Variants in CLEC1A observed in about 807,000 individuals in gnomAD.
CLEC1A encodes C-type lectin-like receptor-1.
In CLEC1A, 34 loss-of-function variants were observed where a neutral mutation model predicts 28.7. That is an observed-to-expected ratio of 1.18 (90% confidence interval 0.90 to 1.57). CLEC1A has a LOEUF of 1.57. Among genes scored for constraint, CLEC1A ranks in the 40% most tolerant of loss-of-function variants. The probability of loss-of-function intolerance (pLI) is 0.00; values close to 1 mark genes in which losing one functional copy is unlikely to be tolerated. For synonymous variants in CLEC1A, 116 were observed against 121.0 expected (o/e 0.96, Z 0.27); for missense variants, 385 against 339.5 (o/e 1.13, Z -1.05).
intron 4 of CLEC1A, 79 bp downstream of exon 4, chr12:10,075,425 T>A: frequency 6.8e-7 from 1 of 1,463,098 alleles, no homozygotes; most frequent in South Asian, 1.2e-5. Context: ...ATATTCTTGA[T>A]CCTTAGAGTC....
intron 4 of CLEC1A, 116 bp downstream of exon 4, chr12:10,075,388 G>A (rs980658595): frequency 3.1e-5 from 33 of 1,081,164 alleles, no homozygotes; most frequent in Non-Finnish European, 4.2e-5. Flanking sequence ...GGCCCTGATC[G>A]AAACAGGTTC....
chr12:10,091,135 A>G (rs1232790895), intron 1 of CLEC1A, among the ~76,000 whole-genome samples: 1 of 152,118 alleles, frequency 6.6e-6, no homozygotes, highest in African/African-American at 2.4e-5. Flanking sequence ...ACCCTGTACT[A>G]GGTAATCTTT....
At chr12:10,086,700 G>A (rs184784875) in intron 2 of CLEC1A, among the ~76,000 whole-genome samples, 1 of 152,286 alleles carries the variant, frequency 6.6e-6, no homozygotes, top group East Asian at 1.9e-4. Flanking sequence ...ATTCACAGAT[G>A]GATTCACAGC....
intron 5 of CLEC1A, 82 bp from the exon 6 acceptor site, chr12:10,071,595 T>C (rs969091100): frequency 4.3e-6 from 5 of 1,167,744 alleles, no homozygotes; most frequent in African/African-American, 3.2e-5. Flanking sequence ...TCTAGAGTTA[T>C]AAAATTATAG....
chr12:10,076,452 A>G (rs1413251709), intron 3 of CLEC1A, among the ~76,000 whole-genome samples: 2 of 152,184 alleles, frequency 1.3e-5, no homozygotes, highest in African/African-American at 4.8e-5. Flanking sequence ...TGTAAATTTG[A>G]AATATTTCAT....
At chr12:10,085,566 G>A (rs954302724) in intron 2 of CLEC1A, among the ~76,000 whole-genome samples, 7 of 145,046 alleles carry the variant, frequency 4.8e-5, no homozygotes, top group South Asian at 2.1e-4. Context: ...AGACAAAGAC[G>A]GACATTATAG....
chr12:10,071,547 G>C lies in CLEC1A; in HGVS notation c.663-34C>G. 6 of 1,470,478 alleles carry C rather than the reference G, an allele frequency of 4.1e-6. 1 individual carries two copies. Among genetic ancestry groups the C allele is most frequent in the Middle Eastern group, 1.8e-4 (1 of 5,542 alleles). 91.1% of individuals were successfully genotyped at this position (1,470,478 alleles called of 1,614,324 possible). A position where few individuals can be genotyped will look rare whatever the true frequency, so the allele number is the denominator to read the frequency against. ...AGGAAGAAAAAGTAAATTCAATCACGGTTTATTTCTAAAATAAAATATTAA... is the reference window on the plus strand; with the variant it reads ...AGGAAGAAAAAGTAAATTCAATCACCGTTTATTTCTAAAATAAAATATTAA... On this transcript the variant is annotated intron_variant, in intron 5 of 5. Transcript: ENST00000315330.
intron 1 of CLEC1A, among the ~76,000 whole-genome samples, chr12:10,097,540 T>A (rs1947793884): frequency 6.6e-6 from 1 of 152,222 alleles, no homozygotes; most frequent in African/African-American, 2.4e-5. Context: ...CCACTTCTAC[T>A]GTTTCAATAT....
chr12:10,098,611 A>C (rs1317711554), intron 1 of CLEC1A, among the ~76,000 whole-genome samples, 197 bp downstream of exon 1: 1 of 152,190 alleles, frequency 6.6e-6, no homozygotes, highest in African/African-American at 2.4e-5. Context: ...GGCCCAGGAA[A>C]TAAAATCCTT....
At chr12:10,087,208 A>AAC (rs1866513205) in intron 2 of CLEC1A, among the ~76,000 whole-genome samples, 1 of 150,076 alleles carries the variant, frequency 6.7e-6, no homozygotes, top group African/African-American at 2.4e-5. Flanking sequence ...CCATCTCAAA[A>AAC]AAAAAAAAAA....
intron 5 of CLEC1A, 101 bp from the exon 6 acceptor site, chr12:10,071,614 C>A: frequency 1.0e-6 from 1 of 967,828 alleles, no homozygotes; most frequent in South Asian, 2.3e-5. Context: ...AGTCTAGATA[C>A]CAGAATAAGT....
chr12:10,078,152 CT>C (rs1866293619), intron 3 of CLEC1A, among the ~76,000 whole-genome samples: 1 of 152,126 alleles, frequency 6.6e-6, no homozygotes, highest in Non-Finnish European at 1.5e-5. Flanking sequence ...CTCTTCCAGT[CT>C]AATTTTAACA....
intron 2 of CLEC1A, chr12:10,084,165 C>G (rs769968363): frequency 3.3e-5 from 5 of 152,234 alleles, no homozygotes; most frequent in Non-Finnish European, 7.3e-5. Context: ...GAGATCTAGA[C>G]ATCCAAACAC....
Position 10,071,061 on chromosome 12 carries a change from TA to T in CLEC1A, c.*271del, listed in dbSNP as rs1866116166. Reference sequence around the variant, plus strand: ...ATTAGACATTGAGAAGAAAGAGAGCTAAAAGTTATCTCTAAGCCAAGAAGGC... The same window carrying T: ...ATTAGACATTGAGAAGAAAGAGAGCTAAAGTTATCTCTAAGCCAAGAAGGC... On this transcript the variant is annotated 3_prime_UTR_variant, in exon 6 of 6. Transcript: ENST00000315330. 1.1e-5 allele frequency: 3 copies of T among 270,024 alleles called. No homozygotes were observed. The highest frequency in any genetic ancestry group is 2.1e-5 in the Non-Finnish European group (3 of 144,872). The allele number at this position is 270,024 out of a possible 1,614,324, so 16.7% of individuals were successfully genotyped here.
At position 10,071,336 on chromosome 12, in the gene CLEC1A, G is replaced by A. The variant is rs1359021373; in HGVS notation, c.840C>T (p.Asp280=). The A allele has an allele frequency of 1.2e-6, 2 of 1,612,892 alleles. No homozygotes were observed. Among genetic ancestry groups the A allele is most frequent in the South Asian group, 1.1e-5 (1 of 90,862 alleles). Residue 280 remains aspartate (D), a synonymous_variant, in exon 6 of 6, where the codon GAC becomes GAT. Coordinates refer to ENST00000315330, the MANE Select transcript of CLEC1A (RefSeq NM_016511.4). The part of the protein sequence containing the change: ...HVPPETLGEG[D] ...ATTTGTAGTTGCAGAGGGCGAATCAGTCACCTTCGCCTAATGTTTCAGGGG... is the reference window on the plus strand; with the variant it reads ...ATTTGTAGTTGCAGAGGGCGAATCAATCACCTTCGCCTAATGTTTCAGGGG...
At chr12:10,072,244 A>G (rs902770829) in intron 5 of CLEC1A, among the ~76,000 whole-genome samples, 1 of 152,072 alleles carries the variant, frequency 6.6e-6, no homozygotes, top group Non-Finnish European at 1.5e-5. Context: ...GCCTTCTGCC[A>G]TGAGTAAAGC....
chr12:10,095,316 A>C (rs567684221), intron 1 of CLEC1A, among the ~76,000 whole-genome samples: 1 of 151,516 alleles, frequency 6.6e-6, no homozygotes, highest in East Asian at 1.9e-4. Flanking sequence ...TAACCAAAGT[A>C]ATTTTTCATA....
Position 10,072,634 on chromosome 12 carries a change from A to ATCTCTCTCTC in CLEC1A, c.662+649_662+658dup, listed in dbSNP as rs58355839. Among the ~76,000 whole-genome samples, 104 of 148,176 alleles carry ATCTCTCTCTC rather than the reference A, an allele frequency of 7.0e-4. No individual in the cohort carries two copies. The Middle Eastern group carries it at 0.01, about 15-fold the overall frequency. Reference sequence around the variant, plus strand: ...CTTCAATTTACTCACTCAGGGAAAGATCTCTCTCTCTCTCTCTCTCTCTCT... The same window carrying ATCTCTCTCTC: ...CTTCAATTTACTCACTCAGGGAAAGATCTCTCTCTCTCTCTCTCTCTCTCTCTCTCTCTCT... On this transcript the variant is annotated intron_variant, in intron 5 of 5. Transcript: ENST00000315330.
rs1439373162 is a variant in CLEC1A at position 10,071,065 on chromosome 12, A to T, written c.*268T>A. 3.6e-6 allele frequency: 1 copy of T among 278,384 alleles called. No homozygotes were observed. The highest frequency in any genetic ancestry group is 6.7e-6 in the Non-Finnish European group (1 of 150,162). 17.2% of individuals were successfully genotyped at this position (278,384 alleles called of 1,614,324 possible). ...GACATTGAGAAGAAAGAGAGCTAAA[A>T]GTTATCTCTAAGCCAAGAAGGCAGA... On this transcript the variant is annotated 3_prime_UTR_variant, in exon 6 of 6. Transcript: ENST00000315330.
Sources: allele counts gnomAD v4.1 joint callset (sites outside exome capture counted in the v4.1 genomes callset), GRCh38; gene constraint gnomAD v4.1.1; transcripts MANE v1.5; gene names NCBI Gene and HGNC (gene_info 2026-07-23, HGNC 2026-07-21).